OSBPL9: variants seen among roughly 807,000 people sequenced by gnomAD.
OSBPL9 encodes the protein oxysterol binding protein like 9.
Under a neutral mutation model 106.6 loss-of-function variants are expected in OSBPL9, and 40 were observed. That is an observed-to-expected ratio of 0.38 (90% CI 0.29 to 0.49). The LOEUF (loss-of-function observed/expected upper bound fraction) is 0.49. OSBPL9 is among the 20% of genes least tolerant of loss of function. OSBPL9 has a pLI of 0.97. For synonymous variants in OSBPL9, 269 were observed against 295.4 expected (o/e 0.91, Z 0.92); for missense variants, 609 against 887.2 (o/e 0.69, Z 3.98).
chr1:51,655,412 A>G (rs1646758301), intron 2 of OSBPL9, among the ~76,000 whole-genome samples: 1 of 152,072 alleles, frequency 6.6e-6, no homozygotes, highest in African/African-American at 2.4e-5. Flanking sequence ...CTCCATCTTC[A>G]TGTCAGCGAT....
At chr1:51,654,166 A>G (rs1343106456) in intron 2 of OSBPL9, among the ~76,000 whole-genome samples, 1 of 152,138 alleles carries the variant, frequency 6.6e-6, no homozygotes, top group African/African-American at 2.4e-5. Flanking sequence ...ACTGGATCAG[A>G]CTTAGGTTTG....
rs1674192793 is a variant in OSBPL9 at position 51,772,663 on chromosome 1, G to C, written c.1110G>C (p.Glu370Asp). ...ATGCGGAGGCAGGGTCTGTGGAGGA[G>C]CACAAGAGCGTTATCATGCATCTCT... ...DDDAEAGSVE[E>D]HKSVIMHLLS... Residue 370 changes from glutamate to aspartate, a missense_variant, in exon 14 of 24, where the codon GAG becomes GAC. This residue lies in a region of OSBPL9 where 356 missense variants were observed against 505.8 expected (regional missense o/e 0.70). Transcript: ENST00000428468. 6.2e-7 allele frequency: 1 copy of C among 1,614,082 alleles called. No individual in the cohort carries two copies. The highest frequency in any genetic ancestry group is 1.3e-5 in the African/African-American group (1 of 74,930).
the OSBPL9 span, among the ~76,000 whole-genome samples, chr1:51,570,835 T>C: frequency 6.6e-6 from 1 of 152,166 alleles, no homozygotes; most frequent in Non-Finnish European, 1.5e-5. Flanking sequence ...GTTCCTTTTT[T>C]TTTTGGAGAC....
rs1186827493 is a variant in OSBPL9 at position 51,772,581 on chromosome 1, C to T, written c.1052-24C>T. 3.2e-6 allele frequency: 5 copies of T among 1,562,050 alleles called. No homozygotes were observed. In the East Asian group the frequency reaches 1.1e-4, roughly 35 times the overall value. On this transcript the variant is annotated intron_variant, in intron 13 of 23. Transcript: ENST00000428468. ...CAGATTGGCCCAATTTAGCACCATT[C>T]TAATAAGATCTGCTTTATTTTAGAC... is the stretch of plus-strand genomic sequence containing the variant.
At chr1:51,777,012 C>A in intron 15 of OSBPL9, 94 bp downstream of exon 15, 1 of 960,562 alleles carries the variant, frequency 1.0e-6, no homozygotes, top group Admixed American at 2.0e-5. Flanking sequence ...TTCCTTGTCA[C>A]CTTTCAAACA....
chr1:51,562,983 C>T, the OSBPL9 span, among the ~76,000 whole-genome samples: 4 of 152,174 alleles, frequency 2.6e-5, no homozygotes, highest in South Asian at 4.2e-4. Context: ...CAAAGGCAGG[C>T]GGATCGCTTG....
the OSBPL9 span, chr1:51,519,081 G>A: frequency 1.9e-4 from 120 of 634,054 alleles, no homozygotes; most frequent in African/African-American, 2.0e-3. Context: ...CCGGCCGCCC[G>A]GCCCACAAGC....
chr1:51,620,597 T>G (rs1644365201), intron 1 of OSBPL9, among the ~76,000 whole-genome samples: 1 of 152,086 alleles, frequency 6.6e-6, no homozygotes, highest in African/African-American at 2.4e-5. Context: ...GAAAAGTGCT[T>G]GAGACAAAGG....
At chr1:51,746,044 C>G (rs1273539183) in intron 5 of OSBPL9, among the ~76,000 whole-genome samples, 3 of 152,162 alleles carry the variant, frequency 2.0e-5, no homozygotes, top group Non-Finnish European at 4.4e-5. Flanking sequence ...TCACTGCAAC[C>G]TCCGCCTCCC....
At chr1:51,644,936 A>G (rs1195538259) in intron 1 of OSBPL9, among the ~76,000 whole-genome samples, 1 of 152,156 alleles carries the variant, frequency 6.6e-6, no homozygotes, top group Non-Finnish European at 1.5e-5. Flanking sequence ...GTCCCCCAGC[A>G]TTCATGTGTT....
At chr1:51,531,267 A>C in the OSBPL9 span, among the ~76,000 whole-genome samples, 2 of 152,204 alleles carry the variant, frequency 1.3e-5, no homozygotes, top group African/African-American at 4.8e-5. Flanking sequence ...ACTGAGCAAG[A>C]CTCTGTCTAA....
chr1:51,700,545 A>C (rs1038469041), intron 3 of OSBPL9, among the ~76,000 whole-genome samples: 1 of 151,908 alleles, frequency 6.6e-6, no homozygotes, highest in African/African-American at 2.4e-5. Flanking sequence ...AATGTCTCTC[A>C]TTTTGGATTT....
the OSBPL9 span, among the ~76,000 whole-genome samples, chr1:51,536,411 G>A: frequency 1.4e-4 from 21 of 152,186 alleles, no homozygotes; most frequent in South Asian, 3.3e-3. Flanking sequence ...GGGCTCAAGC[G>A]ATCCTCCCAC....
At position 51,789,133 on chromosome 1, in the gene OSBPL9, C is replaced by T; in HGVS notation, c.*1344C>T. Reference sequence around the variant, plus strand: ...CAAATGCTATGATGCCAGTGCAAAACTTCAATGGAAGCCCTAAGGCAGTAG... The same window carrying T: ...CAAATGCTATGATGCCAGTGCAAAATTTCAATGGAAGCCCTAAGGCAGTAG... On this transcript the variant is annotated 3_prime_UTR_variant, in exon 24 of 24. Coordinates refer to ENST00000428468, the MANE Select transcript of OSBPL9 (RefSeq NM_024586.6). 9.0e-7 allele frequency: 1 copy of T among 1,112,666 alleles called. No individual in the cohort carries two copies. The highest frequency in any genetic ancestry group is 1.3e-5 in the South Asian group (1 of 76,046). The allele number at this position is 1,112,666 out of a possible 1,614,324, so 68.9% of individuals were successfully genotyped here.
chr1:51,712,962 GGCC>G (rs1660363426), intron 3 of OSBPL9, among the ~76,000 whole-genome samples: 2 of 151,858 alleles, frequency 1.3e-5, no homozygotes, highest in African/African-American at 4.8e-5. Flanking sequence ...GATTTTTCTG[GGCC>G]ACCCATATGA....
the OSBPL9 span, among the ~76,000 whole-genome samples, chr1:51,528,031 C>T: frequency 6.6e-5 from 10 of 150,764 alleles, no homozygotes; most frequent in South Asian, 8.4e-4. Flanking sequence ...GGCTGAGGCA[C>T]GAGAATCTCT....
rs1391911320 is a variant in OSBPL9 at position 51,705,411 on chromosome 1, T to A, written c.242-8592T>A. Among the ~76,000 whole-genome samples the A allele has an allele frequency of 8.4e-3, 841 of 100,354 alleles. 7 individuals carry two copies. The highest frequency in any genetic ancestry group is 0.014 in the Non-Finnish European group (695 of 50,570). The allele number at this position is 100,354 out of a possible 152,430, so 65.8% of individuals were successfully genotyped here. ...TATATATATATATATTTTTTTTTTT[T>A]TTTTTTTTTTTTTTTTTTTGAGACG... On this transcript the variant is annotated intron_variant, in intron 3 of 23. Coordinates refer to ENST00000428468, the MANE Select transcript of OSBPL9 (RefSeq NM_024586.6).
At chr1:51,649,736 CTTTTTT>C (rs71578080) in intron 1 of OSBPL9, among the ~76,000 whole-genome samples, 7 of 97,014 alleles carry the variant, frequency 7.2e-5, no homozygotes, top group African/African-American at 2.7e-4. Context: ...ACATGTTAGT[CTTTTTT>C]TTTTTTTTTT....
At chr1:51,758,643 G>A (rs547127431) in intron 9 of OSBPL9, among the ~76,000 whole-genome samples, 58 of 152,168 alleles carry the variant, frequency 3.8e-4, no homozygotes, top group African/African-American at 1.3e-3. Context: ...TTGTAAGAAC[G>A]TTTCATCTGG....
Sources: allele counts gnomAD v4.1 joint callset (sites outside exome capture counted in the v4.1 genomes callset), GRCh38; gene constraint gnomAD v4.1.1; regional missense constraint gnomAD v4.1.1; transcripts MANE v1.5; gene names NCBI Gene and HGNC (gene_info 2026-07-23, HGNC 2026-07-21).